PLXNA2: variants seen among roughly 807,000 people sequenced by gnomAD.
PLXNA2 encodes plexin A2, also known as plexin-A2.
A neutral mutation model predicts 193.5 loss-of-function variants in PLXNA2; 91 were observed. The observed-to-expected ratio is 0.47, with a 90% confidence interval of 0.40 to 0.56. The LOEUF is 0.56. PLXNA2 is among the 20% of genes least tolerant of loss of function. The pLI, the probability that PLXNA2 is intolerant of heterozygous loss-of-function variation, is 0.00. For missense variants in PLXNA2, 1,995 were observed against 2,503.2 expected, an observed-to-expected ratio of 0.80 and a Z score of 4.33; for synonymous variants, 997 against 1,027.3, an observed-to-expected ratio of 0.97 and a Z score of 0.56.
rs1664740867 is a variant in PLXNA2 at position 208,038,334 on chromosome 1, T to C, written c.4764+37A>G. On this transcript the variant is annotated intron_variant, in intron 26 of 31. Transcript: ENST00000367033. This position sits in a 1 kb window ranked among gnomAD's most constrained non-coding sequence, Gnocchi z 4.1. ...AAGGCTTAGCGGGAAGGGAACATTC[T>C]GGGAAGCTGAAGAGGGGAAAAGACA... 7.1e-7 allele frequency: 1 copy of C among 1,405,824 alleles called. No homozygotes were observed. Among genetic ancestry groups the C allele is most frequent in the Non-Finnish European group, 1.0e-6 (1 of 989,680 alleles). The allele number at this position is 1,405,824 out of a possible 1,614,324, so 87.1% of individuals were successfully genotyped here. A position where few individuals can be genotyped will look rare whatever the true frequency, so the allele number is the denominator to read the frequency against.
At chr1:208,175,059 T>A (rs1270521881) in intron 3 of PLXNA2, among the ~76,000 whole-genome samples, 1 of 152,162 alleles carries the variant, frequency 6.6e-6, no homozygotes, top group Non-Finnish European at 1.5e-5. Flanking sequence ...TAGTGGCTCG[T>A]GGGAGCTCCT....
chr1:208,130,516 G>C (rs1053939928), intron 4 of PLXNA2, among the ~76,000 whole-genome samples: 3 of 152,142 alleles, frequency 2.0e-5, no homozygotes, highest in African/African-American at 7.2e-5. Context: ...GTCAGCCTCC[G>C]AGCGCTGTGC....
At chr1:208,170,261 CAG>C (rs1669448458) in intron 3 of PLXNA2, among the ~76,000 whole-genome samples, 1 of 152,168 alleles carries the variant, frequency 6.6e-6, no homozygotes, top group Non-Finnish European at 1.5e-5. Flanking sequence ...CTTAAAGAGA[CAG>C]AGTGTCATTT....
chr1:208,125,490 G>C (rs759065530), intron 4 of PLXNA2, among the ~76,000 whole-genome samples: 3 of 152,210 alleles, frequency 2.0e-5, no homozygotes, highest in Non-Finnish European at 2.9e-5. Flanking sequence ...TCCCAGGTGA[G>C]AGAAATCGCA....
At chr1:208,106,229 G>A (rs191290944) in intron 4 of PLXNA2, among the ~76,000 whole-genome samples, 1 of 152,232 alleles carries the variant, frequency 6.6e-6, no homozygotes, top group African/African-American at 2.4e-5. Context: ...CACAGTGACC[G>A]GGTGGAGACC....
At chr1:208,234,158 T>C (rs2590681) in intron 1 of PLXNA2, among the ~76,000 whole-genome samples, 137,555 of 152,138 alleles carry the variant, frequency 0.9, 62,385 homozygotes, top group African/African-American at 0.97. Context: ...GGCAAACAAA[T>C]ATCCTAGCAA....
At chr1:208,097,704 GTACTCAAAT>G (rs1229386716) in intron 6 of PLXNA2, among the ~76,000 whole-genome samples, 1 of 152,068 alleles carries the variant, frequency 6.6e-6, no homozygotes, top group East Asian at 1.9e-4. Context: ...AAATGAGTTT[GTACTCAAAT>G]TACCACAATA....
intron 3 of PLXNA2, among the ~76,000 whole-genome samples, chr1:208,171,859 G>C (rs1161629499): frequency 6.6e-6 from 1 of 151,854 alleles, no homozygotes; most frequent in Non-Finnish European, 1.5e-5. Context: ...GTATAAAAAG[G>C]AAGTTTTTTT....
intron 12 of PLXNA2, among the ~76,000 whole-genome samples, chr1:208,072,210 A>T (rs1040447169): frequency 6.6e-6 from 1 of 152,234 alleles, no homozygotes; most frequent in Non-Finnish European, 1.5e-5. Context: ...CTAAGCATGG[A>T]CTAGGGAGGT....
intron 4 of PLXNA2, among the ~76,000 whole-genome samples, chr1:208,128,480 C>A (rs971538416): frequency 5.3e-5 from 8 of 150,474 alleles, no homozygotes; most frequent in African/African-American, 2.0e-4. Flanking sequence ...ATTGTTATCC[C>A]CACTTTACAG....
chr1:208,100,690 G>T (rs1405797557), intron 5 of PLXNA2, among the ~76,000 whole-genome samples: 1 of 152,188 alleles, frequency 6.6e-6, no homozygotes, highest in East Asian at 1.9e-4. Flanking sequence ...AAATGTTTGT[G>T]TCACGAAATA....
chr1:208,193,994 T>TATG (rs1491293936), intron 3 of PLXNA2, among the ~76,000 whole-genome samples: 1 of 109,464 alleles, frequency 9.1e-6, no homozygotes, highest in Non-Finnish European at 2.5e-5. Flanking sequence ...ATCATTCACC[T>TATG]ATGAGTCCTG....
chr1:208,186,638 A>C (rs1017694050), intron 3 of PLXNA2, among the ~76,000 whole-genome samples: 1 of 151,722 alleles, frequency 6.6e-6, no homozygotes, highest in Non-Finnish European at 1.5e-5. Context: ...GGATAGGGGG[A>C]GAGTAGGTGG....
At chr1:208,131,271 C>T (rs562117039) in intron 4 of PLXNA2, among the ~76,000 whole-genome samples, 2 of 152,324 alleles carry the variant, frequency 1.3e-5, no homozygotes, top group African/African-American at 4.8e-5. Context: ...TCTGAACCTG[C>T]ATCTTCACAC....
chr1:208,100,323 T>C (rs1487375269), intron 5 of PLXNA2, among the ~76,000 whole-genome samples: 1 of 151,538 alleles, frequency 6.6e-6, no homozygotes, highest in African/African-American at 2.4e-5. Flanking sequence ...ACCACTACAC[T>C]CTCACCTGGG....
At chr1:208,238,480 T>A (rs550128753) in intron 1 of PLXNA2, among the ~76,000 whole-genome samples, 1 of 152,298 alleles carries the variant, frequency 6.6e-6, no homozygotes. Flanking sequence ...GCTATCAGAT[T>A]GGAAGAGACG....
chr1:208,092,916 T>C lies in PLXNA2; in HGVS notation c.1983-16A>G, dbSNP rs761031576. On this transcript the variant is annotated splice_polypyrimidine_tract_variant and intron_variant, in intron 8 of 31. Transcript: ENST00000367033. ...GGACAGGCACCTGCAAGGACAGAGA[T>C]GGTGAGAGGCAAAGAGAAGAGAACA... The C allele has an allele frequency of 3.2e-6, 5 of 1,564,958 alleles. No individual in the cohort carries two copies. The Admixed American group carries it at 5.0e-5, about 16-fold the overall frequency.
At chr1:208,158,412 C>A (rs1669004149) in intron 3 of PLXNA2, among the ~76,000 whole-genome samples, 1 of 152,128 alleles carries the variant, frequency 6.6e-6, no homozygotes, top group African/African-American at 2.4e-5. Flanking sequence ...CTCCAAGATT[C>A]CCAAAAGAGA....
chr1:208,217,113 G>C lies in PLXNA2; in HGVS notation c.810C>G (p.Ser270=). 6.2e-7 allele frequency: 1 copy of C among 1,614,130 alleles called. No homozygotes were observed. The highest frequency in any genetic ancestry group is 1.1e-5 in the South Asian group (1 of 91,072). Residue 270 remains serine, a synonymous_variant, in exon 2 of 32, where the codon TCC becomes TCG. Coordinates refer to ENST00000367033, the MANE Select transcript of PLXNA2 (RefSeq NM_025179.4). This position sits in a 1 kb window ranked among gnomAD's most constrained non-coding sequence, Gnocchi z 4.7. ...PETPEGVAIN[S]AGDLFYTSRI... Reference sequence around the variant, plus strand: ...GTGAGGTGTAGAAGAGGTCTCCAGCGGAGTTGATGGCCACACCCTCAGGGG... The same window carrying C: ...GTGAGGTGTAGAAGAGGTCTCCAGCCGAGTTGATGGCCACACCCTCAGGGG...
Sources: gnomAD v4.1 joint callset for allele counts (sites outside exome capture counted in the v4.1 genomes callset) on GRCh38, gnomAD v4.1.1 for gene constraint, Gnocchi (gnomAD v3.1) non-coding constraint, MANE v1.5 for transcripts, NCBI Gene and HGNC (gene_info 2026-07-23, HGNC 2026-07-21) for gene names.